LRPPRC: variants seen among roughly 807,000 people sequenced by gnomAD.
The protein encoded by LRPPRC is leucine-rich PPR motif-containing protein, mitochondrial.
Under a neutral mutation model 180.3 loss-of-function variants are expected in LRPPRC, and 120 were observed. That is an observed-to-expected ratio of 0.67 (90% CI 0.57 to 0.77). LRPPRC has a LOEUF of 0.77. Ranked by LOEUF, LRPPRC falls within the 30% of genes least tolerant of loss-of-function variation. The pLI, the probability that LRPPRC is intolerant of heterozygous loss-of-function variation, is 0.00. For missense variants in LRPPRC, 2,012 were observed against 1,657.2 expected, an observed-to-expected ratio of 1.21 and a Z score of -3.72; for synonymous variants, 723 against 600.0, an observed-to-expected ratio of 1.21 and a Z score of -3.00.
intron 12 of LRPPRC, 70 bp from the exon 13 acceptor site, chr2:43,960,704 T>G (rs985877295): frequency 1.2e-6 from 1 of 809,262 alleles, no homozygotes; most frequent in Non-Finnish European, 2.2e-6. Flanking sequence ...AAAGATCCTG[T>G]TTTCCTGATT....
chr2:43,971,485 T>TAAAAAAAAAAAAAAAAAAAAAAA (rs528659622), intron 11 of LRPPRC, among the ~76,000 whole-genome samples: 8 of 62,380 alleles, frequency 1.3e-4, no homozygotes, highest in African/African-American at 4.0e-4. Context: ...TGTGTCACAG[T>TAAAAAAAAAAAAAAAAAAAAAAA]AAAAAAAAAA....
At chr2:43,990,524 C>G (rs1465126701) in intron 1 of LRPPRC, among the ~76,000 whole-genome samples, 1 of 152,148 alleles carries the variant, frequency 6.6e-6, no homozygotes, top group Non-Finnish European at 1.5e-5. Flanking sequence ...TCTTGGTAGC[C>G]TCAAGAAATC....
rs1672764294 is a variant in LRPPRC, at chr2:43,948,216, GA to G, written c.1843-18del. The G allele has an allele frequency of 1.4e-6, 2 of 1,438,750 alleles. No homozygotes were observed. Among genetic ancestry groups the G allele is most frequent in the Non-Finnish European group, 2.0e-6 (2 of 1,020,326 alleles). The allele number at this position is 1,438,750 out of a possible 1,614,324, so 89.1% of individuals were successfully genotyped here. ...TTTTACATTCTGTGAGAAGGGAAGG[GA>G]GGGGGGAAAAAACCTGAGTTTTAGA... On this transcript the variant is annotated intron_variant, in intron 17 of 37. Coordinates refer to ENST00000260665, the MANE Select transcript of LRPPRC (RefSeq NM_133259.4).
At chr2:43,926,859 T>C (rs559848024) in intron 25 of LRPPRC, among the ~76,000 whole-genome samples, 1 of 152,242 alleles carries the variant, frequency 6.6e-6, no homozygotes, top group Non-Finnish European at 1.5e-5. Context: ...TAATGACTTT[T>C]GCCTAGCACC....
intron 1 of LRPPRC, among the ~76,000 whole-genome samples, chr2:43,986,372 C>A (rs572981044): frequency 6.6e-6 from 1 of 152,108 alleles, no homozygotes; most frequent in African/African-American, 2.4e-5. Context: ...TCAAGCGATC[C>A]GCCCACCTTG....
intron 30 of LRPPRC, among the ~76,000 whole-genome samples, chr2:43,906,649 C>G (rs533951814): frequency 4.6e-5 from 7 of 152,152 alleles, no homozygotes; most frequent in African/African-American, 1.7e-4. Context: ...TTTGCCTTAT[C>G]GAGCTCAGTG....
At chr2:43,902,344 T>A (rs1572897193) in intron 31 of LRPPRC, 1 of 152,158 alleles carries the variant, frequency 6.6e-6, no homozygotes. Flanking sequence ...AATAAAGTGG[T>A]AGACTGAGGA....
At chr2:43,939,202 A>G (rs1385590968) in intron 23 of LRPPRC, among the ~76,000 whole-genome samples, 1 of 151,730 alleles carries the variant, frequency 6.6e-6, no homozygotes, top group African/African-American at 2.4e-5. Context: ...AATGGCATCA[A>G]CCCAGGAGGC....
At position 43,888,448 on chromosome 2, in the gene LRPPRC, C is replaced by G; in HGVS notation, c.*152G>C. On this transcript the variant is annotated 3_prime_UTR_variant, in exon 38 of 38. Coordinates refer to ENST00000260665, the MANE Select transcript of LRPPRC (RefSeq NM_133259.4). ...CAAAAATGTCCAATAACCAAGTGCA[C>G]AGAGTTATGGTCAATAAGACTTTGA... 1 of 597,082 alleles carries G rather than the reference C, an allele frequency of 1.7e-6. No individual in the cohort carries two copies. Among genetic ancestry groups the G allele is most frequent in the East Asian group, 3.1e-5 (1 of 32,370 alleles). The allele number at this position is 597,082 out of a possible 1,614,324, so 37.0% of individuals were successfully genotyped here.
intron 36 of LRPPRC, among the ~76,000 whole-genome samples, chr2:43,894,338 T>C (rs1670605034): frequency 6.6e-6 from 1 of 152,222 alleles, no homozygotes; most frequent in Admixed American, 6.5e-5. Flanking sequence ...TAAAGTTATA[T>C]GCATAATTTC....
intron 36 of LRPPRC, among the ~76,000 whole-genome samples, chr2:43,891,808 A>C (rs1670501644): frequency 6.6e-6 from 1 of 152,266 alleles, no homozygotes; most frequent in Non-Finnish European, 1.5e-5. Flanking sequence ...TGAGGAAGGC[A>C]TGTCAAAAGC....
rs184625732 is a variant in LRPPRC at position 43,974,862 on chromosome 2, C to T, written c.865-104G>A. ...TTCAAAAAACTAGGGAAAAATACCA[C>T]CTAAAGGTTTACGACTTCTTTTAAA... On this transcript the variant is annotated intron_variant, in intron 7 of 37. Coordinates refer to ENST00000260665, the MANE Select transcript of LRPPRC (RefSeq NM_133259.4). 1,309 of 1,213,530 alleles carry T rather than the reference C, an allele frequency of 1.1e-3. 2 individuals are homozygous for T. The highest frequency in any genetic ancestry group is 1.4e-3 in the Non-Finnish European group (1,182 of 829,688). 75.2% of individuals were successfully genotyped at this position (1,213,530 alleles called of 1,614,324 possible).
At chr2:43,897,443 A>G (rs977358181) in intron 34 of LRPPRC, among the ~76,000 whole-genome samples, 3 of 152,218 alleles carry the variant, frequency 2.0e-5, no homozygotes, top group African/African-American at 7.2e-5. Context: ...GCTTTAAAAC[A>G]CTGTCAATAC....
rs114326456 is a variant in LRPPRC at position 43,933,231 on chromosome 2, T to C, written c.2736+959A>G. ...ATTTCACAGTCCTCCTTTTCTATAC[T>C]ACACCGTTCTCTTCTTCAAAAAACA... On this transcript the variant is annotated intron_variant, in intron 25 of 37. Transcript: ENST00000260665. Among the ~76,000 whole-genome samples the C allele has an allele frequency of 6.7e-3, 1,019 of 152,312 alleles. 11 individuals are homozygous for C. The highest frequency in any genetic ancestry group is 0.023 in the African/African-American group (958 of 41,572).
chr2:43,888,756 T>G (rs1670366591), intron 37 of LRPPRC, 100 bp from the exon 38 acceptor site: 2 of 717,530 alleles, frequency 2.8e-6, no homozygotes, highest in South Asian at 3.0e-5. Context: ...TAGCTAAGAC[T>G]GCCAGGCCCA....
At chr2:43,953,200 ACC>A (rs1672972320) in intron 14 of LRPPRC, among the ~76,000 whole-genome samples, 1 of 152,166 alleles carries the variant, frequency 6.6e-6, no homozygotes. Context: ...AAGACTGAGT[ACC>A]TTCTATAAAC....
At chr2:43,952,800 T>A (rs949148773) in intron 14 of LRPPRC, among the ~76,000 whole-genome samples, 1 of 152,176 alleles carries the variant, frequency 6.6e-6, no homozygotes, top group Admixed American at 6.5e-5. Context: ...CCTAAAAGAA[T>A]CCCATAAATT....
At chr2:43,899,792 A>T (rs1670821987) in intron 32 of LRPPRC, 187 bp from the exon 33 acceptor site, 2 of 595,030 alleles carry the variant, frequency 3.4e-6, no homozygotes, top group Non-Finnish European at 5.9e-6. Context: ...TAGCAAAAAC[A>T]TTCACTAGCT....
At chr2:43,963,123 C>T (rs1265798516) in intron 12 of LRPPRC, among the ~76,000 whole-genome samples, 1 of 151,960 alleles carries the variant, frequency 6.6e-6, no homozygotes, top group Non-Finnish European at 1.5e-5. Flanking sequence ...AATGTTATAC[C>T]AACTAATATT....
Sources: gnomAD v4.1 joint callset for allele counts (sites outside exome capture counted in the v4.1 genomes callset) on GRCh38, gnomAD v4.1.1 for gene constraint, MANE v1.5 for transcripts, NCBI Gene and HGNC (gene_info 2026-07-23, HGNC 2026-07-21) for gene names.